Variants in LYPD6 observed in about 807,000 individuals in gnomAD.
LYPD6 encodes LY6/PLAUR domain containing 6, also known as ly6/PLAUR domain-containing protein 6.
A neutral mutation model predicts 22.7 loss-of-function variants in LYPD6; 15 were observed. That is an observed-to-expected ratio of 0.66 (90% CI 0.44 to 1.02). LYPD6 has a LOEUF of 1.02. Ranked by LOEUF, LYPD6 falls within the 50% of genes least tolerant of loss-of-function variation. LYPD6 has a pLI of 0.00. For synonymous variants in LYPD6, 72 were observed against 77.5 expected, an observed-to-expected ratio of 0.93 and a Z score of 0.37; for missense variants, 189 against 208.4, an observed-to-expected ratio of 0.91 and a Z score of 0.57.
intron 1 of LYPD6, among the ~76,000 whole-genome samples, chr2:149,406,445 A>C (rs1374065487): frequency 5.0e-4 from 76 of 151,768 alleles, no homozygotes; most frequent in African/African-American, 1.8e-3. Context: ...TATTTAGGAT[A>C]GTTAGCTCTT....
chr2:149,444,910 G>A (rs955657456), intron 2 of LYPD6, among the ~76,000 whole-genome samples: 7 of 152,208 alleles, frequency 4.6e-5, no homozygotes, highest in Non-Finnish European at 1.0e-4. Flanking sequence ...GCACCTAGAT[G>A]ATTAATCCTT....
chr2:149,445,815 C>T (rs1024772328), intron 2 of LYPD6, among the ~76,000 whole-genome samples: 8 of 152,182 alleles, frequency 5.3e-5, no homozygotes, highest in African/African-American at 1.7e-4. Flanking sequence ...TCTTAACATT[C>T]GTGTATTCAT....
the LYPD6 span, among the ~76,000 whole-genome samples, chr2:149,479,778 C>T: frequency 6.6e-6 from 1 of 152,196 alleles, no homozygotes; most frequent in Non-Finnish European, 1.5e-5. Flanking sequence ...CCTTCTTGCC[C>T]TATTTCAATC....
intron 1 of LYPD6, among the ~76,000 whole-genome samples, chr2:149,383,384 G>A (rs1022208542): frequency 6.6e-6 from 1 of 152,036 alleles, no homozygotes; most frequent in Non-Finnish European, 1.5e-5. Flanking sequence ...TTTTTTTGGG[G>A]GGTAGGGTGA....
At chr2:149,377,494 A>C (rs1681951315) in intron 1 of LYPD6, among the ~76,000 whole-genome samples, 1 of 152,216 alleles carries the variant, frequency 6.6e-6, no homozygotes, top group Non-Finnish European at 1.5e-5. Context: ...ATAAAAAAGC[A>C]AAGTGGCTGG....
At chr2:149,406,368 A>G (rs1433583959) in intron 1 of LYPD6, among the ~76,000 whole-genome samples, 4 of 151,610 alleles carry the variant, frequency 2.6e-5, no homozygotes, top group African/African-American at 9.7e-5. Context: ...GTGGGAGTCT[A>G]AGTCTCTTTG....
the LYPD6 span, among the ~76,000 whole-genome samples, chr2:149,483,657 A>G: frequency 3.9e-5 from 6 of 152,242 alleles, no homozygotes; most frequent in Admixed American, 2.6e-4. Context: ...CAAAAAATTG[A>G]TAAGTCTGTT....
chr2:149,379,634 A>G (rs988802586), intron 1 of LYPD6, among the ~76,000 whole-genome samples: 2 of 152,194 alleles, frequency 1.3e-5, no homozygotes, highest in Non-Finnish European at 2.9e-5. Context: ...GTGGGCTGGA[A>G]AGAGCCCTGA....
intron 1 of LYPD6, among the ~76,000 whole-genome samples, chr2:149,429,851 G>C (rs1361480715): frequency 6.6e-6 from 1 of 152,112 alleles, no homozygotes; most frequent in Non-Finnish European, 1.5e-5. Flanking sequence ...TGGACTACTT[G>C]GGCTTCCTTA....
intron 1 of LYPD6, among the ~76,000 whole-genome samples, chr2:149,376,247 T>C (rs1163086983): frequency 6.6e-6 from 1 of 152,180 alleles, no homozygotes; most frequent in African/African-American, 2.4e-5. Context: ...AAGAAACAGC[T>C]CTGTCTAACT....
intron 1 of LYPD6, among the ~76,000 whole-genome samples, chr2:149,371,769 T>C (rs545766763): frequency 5.3e-5 from 8 of 152,320 alleles, no homozygotes; most frequent in South Asian, 2.1e-4. Flanking sequence ...GGGCAGACTT[T>C]CCAGTAAGAA....
intron 1 of LYPD6, among the ~76,000 whole-genome samples, chr2:149,418,910 A>G (rs1297935921): frequency 1.3e-5 from 2 of 152,214 alleles, no homozygotes. Context: ...TTATCTTCTA[A>G]CTGGCTGAAG....
chr2:149,478,284 C>T (rs1025457595), downstream of LYPD6, among the ~76,000 whole-genome samples: 1 of 152,062 alleles, frequency 6.6e-6, no homozygotes, highest in Non-Finnish European at 1.5e-5. Context: ...CCTCAGAGCC[C>T]CTGTTCAGTG....
At chr2:149,477,120 G>T (rs1453282131), downstream of LYPD6, among the ~76,000 whole-genome samples, 2 of 152,124 alleles carry the variant, frequency 1.3e-5, no homozygotes, top group African/African-American at 2.4e-5. Flanking sequence ...ACCTTTAAAG[G>T]CTTTAAACAT....
chr2:149,430,037 C>G (rs112262295), intron 1 of LYPD6, among the ~76,000 whole-genome samples: 15 of 152,256 alleles, frequency 9.9e-5, no homozygotes, highest in African/African-American at 3.1e-4. Context: ...GGCCCAGAGT[C>G]AAAATGACAA....
intron 1 of LYPD6, among the ~76,000 whole-genome samples, chr2:149,429,596 G>A (rs1305192337): frequency 1.3e-5 from 2 of 152,194 alleles, no homozygotes; most frequent in Admixed American, 1.3e-4. Context: ...TTGTGTTTAG[G>A]TATCTGTAGC....
chr2:149,365,489 G>A (rs1681643368), intron 1 of LYPD6, among the ~76,000 whole-genome samples: 1 of 152,102 alleles, frequency 6.6e-6, no homozygotes, highest in Admixed American at 6.6e-5. Context: ...CTTTTTTAAT[G>A]CACAAATGGA....
intron 3 of LYPD6, among the ~76,000 whole-genome samples, chr2:149,456,866 G>A (rs984397460): frequency 7.9e-5 from 12 of 152,114 alleles, no homozygotes; most frequent in African/African-American, 2.9e-4. Context: ...GTCTTACTGG[G>A]TTCTTTGTAG....
intron 1 of LYPD6, among the ~76,000 whole-genome samples, chr2:149,372,308 C>T (rs377764979): frequency 2.0e-5 from 3 of 152,110 alleles, no homozygotes; most frequent in East Asian, 3.9e-4. Flanking sequence ...AGACTATAAC[C>T]GTATACTTTG....
Sources: gnomAD v4.1 joint callset for allele counts (sites outside exome capture counted in the v4.1 genomes callset) on GRCh38, gnomAD v4.1.1 for gene constraint, MANE v1.5 for transcripts, NCBI Gene and HGNC (gene_info 2026-07-23, HGNC 2026-07-21) for gene names.